The following HSPA12B variants were observed in gnomAD, a reference collection of about 807,000 sequenced individuals.
HSPA12B encodes heat shock 70 kDa protein 12B.
Under a neutral mutation model 69.3 loss-of-function variants are expected in HSPA12B, and 54 were observed. That is an observed-to-expected ratio of 0.78 (90% CI 0.63 to 0.98). HSPA12B has a LOEUF of 0.98. HSPA12B is among the 50% of genes least tolerant of loss of function. The pLI is 0.00. For synonymous variants in HSPA12B, 441 were observed against 436.5 expected (o/e 1.01, Z -0.13); for missense variants, 929 against 999.8 (o/e 0.93, Z 0.96).
intron 4 of HSPA12B, among the ~76,000 whole-genome samples, chr20:3,743,469 T>A (rs1413287175): frequency 7.2e-5 from 11 of 152,146 alleles, no homozygotes; most frequent in Non-Finnish European, 1.6e-4. Context: ...AATGCTGGAA[T>A]TGCAGGCGTG....
At position 3,751,576 on chromosome 20, in the gene HSPA12B, G is replaced by A. The variant is rs867861528; in HGVS notation, c.1471G>A (p.Glu491Lys). 1 of 1,497,068 alleles carries A rather than the reference G, an allele frequency of 6.7e-7. No individual in the cohort carries two copies. The highest frequency in any genetic ancestry group is 8.9e-7 in the Non-Finnish European group (1 of 1,125,678). 92.7% of individuals were successfully genotyped at this position (1,497,068 alleles called of 1,614,324 possible). A position where few individuals can be genotyped will look rare whatever the true frequency, so the allele number is the denominator to read the frequency against. Residue 491 changes from glutamate to lysine, a missense_variant, in exon 13 of 13, where the codon GAG becomes AAG. Around this residue, in one of 3 missense-constraint regions of HSPA12B, gnomAD observed 448 missense variants for 448.1 expected, o/e 1.00. Coordinates refer to ENST00000254963, the MANE Select transcript of HSPA12B (RefSeq NM_052970.5). ...GCTGTTCCTAGTGGGCGGCTTCGCC[G>A]AGTCAGCGGTGCTGCAGCACGCGGT... is the stretch of plus-strand genomic sequence containing the variant. The part of the protein sequence containing the change: ...KLLFLVGGFA[E>K]SAVLQHAVQA...
At position 3,742,290 on chromosome 20, in the gene HSPA12B, G is replaced by A. The variant is rs761329591; in HGVS notation, c.148G>A (p.Glu50Lys). 11 of 1,613,524 alleles carry A rather than the reference G, an allele frequency of 6.8e-6. No homozygotes were observed. The highest frequency in any genetic ancestry group is 5.5e-5 in the South Asian group (5 of 91,052). Residue 50 changes from glutamate (E) to lysine (K), a missense_variant, in exon 4 of 13, where the codon GAG becomes AAG. Glu to Lys is a moderately conservative substitution (Grantham distance 56, BLOSUM62 1). Around this residue, in one of 3 missense-constraint regions of HSPA12B, gnomAD observed 477 missense variants for 535.2 expected, o/e 0.89. Transcript: ENST00000254963. ...CTAAGTCTTGCACTTGCAGAAACCC[G>A]AGGTCCGAGCCCCCCAGCAGGCCTC... ...PLTPSQSPKP[E>K]VRAPQQASFS...
intron 4 of HSPA12B, among the ~76,000 whole-genome samples, chr20:3,743,040 ATTT>A (rs35919024): frequency 2.3e-3 from 324 of 142,306 alleles, no homozygotes; most frequent in Middle Eastern, 7.0e-3. Context: ...CACCCAGCTA[ATTT>A]TTTTTTTTTT....
At position 3,750,026 on chromosome 20, in the gene HSPA12B, T is replaced by C. The variant is rs769196158; in HGVS notation, c.1100T>C (p.Ile367Thr). ...GCCTTCGAGCAGCTGCTGTGCCGCA[T>C]CTTCGGCGAGGACTTCATCGCCACC... Reference protein sequence around the residue: ...DLAFEQLLCRIFGEDFIATFK... With the variant: ...DLAFEQLLCRTFGEDFIATFK... Residue 367 changes from isoleucine (I) to threonine (T), a missense_variant, in exon 11 of 13, where the codon ATC becomes ACC. Ile to Thr is a moderately conservative substitution (Grantham distance 89). Transcript: ENST00000254963. 1.9e-6 allele frequency: 3 copies of C among 1,599,652 alleles called. No individual in the cohort carries two copies. The highest frequency in any genetic ancestry group is 1.3e-5 in the African/African-American group (1 of 74,608).
chr20:3,742,704 T>TC (rs1158372387), intron 4 of HSPA12B, among the ~76,000 whole-genome samples: 6 of 150,946 alleles, frequency 4.0e-5, no homozygotes, highest in African/African-American at 1.5e-4. Flanking sequence ...TATTTTCCTT[T>TC]TTTTTTTTTT....
At position 3,744,075 on chromosome 20, in the gene HSPA12B, C is replaced by T. The variant is rs958300333; in HGVS notation, c.267-827C>T. 2.0e-5 allele frequency among the ~76,000 whole-genome samples: 3 copies of T among 152,102 alleles called. No individual in the cohort carries two copies. Among genetic ancestry groups the T allele is most frequent in the African/African-American group, 7.2e-5 (3 of 41,410 alleles). On this transcript the variant is annotated intron_variant, in intron 4 of 12. Transcript: ENST00000254963. This position sits in a 1 kb window ranked among gnomAD's most constrained non-coding sequence, Gnocchi z 4.9. ...GTCCTCTGAATATGTCCTAGAGGGT[C>T]GGCAGGCAGTAGGTGAAGCTACAGG...
chr20:3,735,615 G>T (rs2088097376), intron 1 of HSPA12B, among the ~76,000 whole-genome samples: 1 of 152,036 alleles, frequency 6.6e-6, no homozygotes, highest in African/African-American at 2.4e-5. Context: ...ACAGGCGTCT[G>T]CCACTACGCT....
At chr20:3,747,168 A>T (rs1012036259) in intron 7 of HSPA12B, among the ~76,000 whole-genome samples, 1 of 152,144 alleles carries the variant, frequency 6.6e-6, no homozygotes, top group Non-Finnish European at 1.5e-5. Flanking sequence ...CTCAAGACTC[A>T]TTGCTTGGTC....
In HSPA12B at chr20:3,745,742, C is replaced by A; in HGVS notation, c.558+145C>A. On this transcript the variant is annotated intron_variant, in intron 6 of 12. Transcript: ENST00000254963. This position sits in a 1 kb window ranked among gnomAD's most constrained non-coding sequence, Gnocchi z 5.6. ...GTCATCTTCTCCAGTACCCTCCTCC[C>A]TTTTTGTCTGGTAGAGCCTGCACCA... 1 of 928,516 alleles carries A rather than the reference C, an allele frequency of 1.1e-6. No individual in the cohort carries two copies. 57.5% of individuals were successfully genotyped at this position (928,516 alleles called of 1,614,324 possible). A position where few individuals can be genotyped will look rare whatever the true frequency, so the allele number is the denominator to read the frequency against.
chr20:3,742,175 C>T, intron 3 of HSPA12B, 109 bp from the exon 4 acceptor site: 1 of 1,510,644 alleles, frequency 6.6e-7, no homozygotes, highest in South Asian at 1.3e-5. Flanking sequence ...TGGTCTGGAC[C>T]ACAGTCAGTG....
intron 2 of HSPA12B, among the ~76,000 whole-genome samples, chr20:3,739,895 C>T (rs1010658551): frequency 3.9e-5 from 6 of 152,206 alleles, no homozygotes; most frequent in African/African-American, 1.4e-4. Context: ...GCCAGCCTCC[C>T]TGGCCTGTCC....
rs577015966 is a variant in HSPA12B at position 3,746,670 on chromosome 20, CG to C, written c.675+642del. Among the ~76,000 whole-genome samples the C allele has an allele frequency of 2.9e-3, 435 of 152,174 alleles. 4 individuals carry two copies. Among genetic ancestry groups the C allele is most frequent in the African/African-American group, 0.01 (416 of 41,524 alleles). On this transcript the variant is annotated intron_variant, in intron 7 of 12. Coordinates refer to ENST00000254963, the MANE Select transcript of HSPA12B (RefSeq NM_052970.5). ...TCAGGAGAAAGGCGAGGGAGGGAGG[CG>C]GGACAGGAGAAGGAGCTATGAAGGA...
intron 7 of HSPA12B, among the ~76,000 whole-genome samples, chr20:3,746,250 A>T (rs6052063): frequency 0.021 from 3,121 of 150,380 alleles, 103 homozygotes; most frequent in African/African-American, 0.072. Flanking sequence ...AGGCCAGTGT[A>T]GACAGTGCCT....
chr20:3,751,913 G>C lies in HSPA12B; in HGVS notation c.1808G>C (p.Arg603Pro). 1 of 1,582,864 alleles carries C rather than the reference G, an allele frequency of 6.3e-7. No homozygotes were observed. Among genetic ancestry groups the C allele is most frequent in the African/African-American group, 1.4e-5 (1 of 73,258 alleles). ...SYCPARPGQRRVLINLYCCAA... is the reference protein window; with the variant it reads ...SYCPARPGQRPVLINLYCCAA... ...TGCCCGGCGCGTCCCGGCCAGCGGC[G>C]CGTACTCATCAACCTGTACTGCTGC... Residue 603 changes from arginine to proline, a missense_variant, in exon 13 of 13, where the codon CGC becomes CCC. Physicochemically the swap from Arg to Pro is moderately radical, Grantham distance 103 (BLOSUM62 -2). Transcript: ENST00000254963.
chr20:3,750,736 C>A, intron 11 of HSPA12B, 68 bp from the exon 12 acceptor site: 1 of 1,609,684 alleles, frequency 6.2e-7, no homozygotes, highest in Non-Finnish European at 8.5e-7. Flanking sequence ...ATAAGGACCA[C>A]GGACCCCAAA....
At position 3,750,022 on chromosome 20, in the gene HSPA12B, C is replaced by G. The variant is rs538311690; in HGVS notation, c.1096C>G (p.Arg366Gly). Residue 366 changes from arginine to glycine, a missense_variant, in exon 11 of 13, where the codon CGC (arginine) becomes GGC (glycine). By Grantham distance (125) the Arg-to-Gly change is moderately radical (BLOSUM62 -2). This residue lies in a region of HSPA12B where 477 missense variants were observed against 535.2 expected (regional missense o/e 0.89). Coordinates refer to ENST00000254963, the MANE Select transcript of HSPA12B (RefSeq NM_052970.5). ...VDLAFEQLLCRIFGEDFIATF... is the reference protein window; with the variant it reads ...VDLAFEQLLCGIFGEDFIATF... ...CCTGGCCTTCGAGCAGCTGCTGTGC[C>G]GCATCTTCGGCGAGGACTTCATCGC... 7 of 1,596,426 alleles carry G rather than the reference C, an allele frequency of 4.4e-6. No individual in the cohort carries two copies. Among genetic ancestry groups the G allele is most frequent in the South Asian group, 1.1e-5 (1 of 88,502 alleles).
At position 3,752,261 on chromosome 20, in the gene HSPA12B, T is replaced by A. The variant is rs1323906148; in HGVS notation, c.*95T>A. ...CGGGTTGGGGCGGGGGAAACGATAG[T>A]TCTGCAGTCTGCGCCTTTCCACGCC... On this transcript the variant is annotated 3_prime_UTR_variant, in exon 13 of 13. Coordinates refer to ENST00000254963, the MANE Select transcript of HSPA12B (RefSeq NM_052970.5). 8 of 1,212,724 alleles carry A rather than the reference T, an allele frequency of 6.6e-6. No individual in the cohort carries two copies. The highest frequency in any genetic ancestry group is 8.7e-6 in the Non-Finnish European group (8 of 919,238). The allele number at this position is 1,212,724 out of a possible 1,614,324, so 75.1% of individuals were successfully genotyped here. A position where few individuals can be genotyped will look rare whatever the true frequency, so the allele number is the denominator to read the frequency against.
In HSPA12B at chr20:3,749,670, A is replaced by G. The variant is rs2088373016; in HGVS notation, c.938-80A>G. ...GCCTTGGGACCCGGGGCAGGGCTGG[A>G]GGCTGGGCGAGGCTGGAGGGGGCGC... On this transcript the variant is annotated intron_variant, in intron 9 of 12. Coordinates refer to ENST00000254963, the MANE Select transcript of HSPA12B (RefSeq NM_052970.5). This position sits in a 1 kb window ranked among gnomAD's most constrained non-coding sequence, Gnocchi z 5.5. 2 of 1,056,124 alleles carry G rather than the reference A, an allele frequency of 1.9e-6. No homozygotes were observed. The highest frequency in any genetic ancestry group is 1.6e-5 in the African/African-American group (1 of 62,564). The allele number at this position is 1,056,124 out of a possible 1,614,324, so 65.4% of individuals were successfully genotyped here. A position where few individuals can be genotyped will look rare whatever the true frequency, so the allele number is the denominator to read the frequency against.
Position 3,750,060 on chromosome 20 carries a change from G to A in HSPA12B, c.1134G>A (p.Arg378=). The A allele has an allele frequency of 6.2e-7, 1 of 1,610,682 alleles. No homozygotes were observed. The highest frequency in any genetic ancestry group is 2.2e-5 in the East Asian group (1 of 44,784). Residue 378 remains arginine, a synonymous_variant, in exon 11 of 13, where the codon AGG becomes AGA. Coordinates refer to ENST00000254963, the MANE Select transcript of HSPA12B (RefSeq NM_052970.5). The part of the protein sequence containing the change: ...FGEDFIATFK[R]QRPAAWVDLT... The stretch of plus-strand genomic sequence containing the variant: ...AGGACTTCATCGCCACCTTCAAAAG[G>A]CAACGGCCGGCAGCCTGGGTAGATC...
Sources: allele counts gnomAD v4.1 joint callset (sites outside exome capture counted in the v4.1 genomes callset), GRCh38; gene constraint gnomAD v4.1.1; regional missense constraint gnomAD v4.1.1; non-coding constraint Gnocchi (gnomAD v3.1); transcripts MANE v1.5; gene names NCBI Gene and HGNC (gene_info 2026-07-23, HGNC 2026-07-21).